Variants in SLC9A3 observed in about 807,000 individuals in gnomAD.
The protein encoded by SLC9A3 is sodium/hydrogen exchanger 3.
Under a neutral mutation model 86.8 loss-of-function variants are expected in SLC9A3, and 37 were observed. That is an observed-to-expected ratio of 0.43 (90% CI 0.33 to 0.56). The LOEUF (loss-of-function observed/expected upper bound fraction) is 0.56, where lower values mean the gene tolerates loss of function less well. Among genes scored for constraint, SLC9A3 ranks in the 20% least tolerant of loss-of-function variants. The pLI, the probability that SLC9A3 is intolerant of heterozygous loss-of-function variation, is 0.06. For missense variants in SLC9A3, 1,011 were observed against 1,171.9 expected (o/e 0.86, Z 2.00); for synonymous variants, 581 against 528.3 (o/e 1.10, Z -1.37).
At chr5:513,339 C>T (rs924439180) in intron 1 of SLC9A3, among the ~76,000 whole-genome samples, 15 of 152,108 alleles carry the variant, frequency 9.9e-5, no homozygotes, top group Admixed American at 1.3e-4. Context: ...GGAGAAAGGC[C>T]GGGAGGAAGG....
At chr5:481,932 C>T (rs1739203791) in intron 8 of SLC9A3, 136 bp downstream of exon 8, 1 of 316,178 alleles carries the variant, frequency 3.2e-6, no homozygotes, top group Non-Finnish European at 6.0e-6. Flanking sequence ...CTCTCCCCTC[C>T]TGGCCCAGCC....
intron 1 of SLC9A3, among the ~76,000 whole-genome samples, chr5:503,392 G>T (rs1273982058): frequency 6.6e-6 from 1 of 152,174 alleles, no homozygotes; most frequent in African/African-American, 2.4e-5. Context: ...TAAAACATTA[G>T]CTGAGCCTGG....
In SLC9A3 at chr5:476,341, G is replaced by C. The variant is rs150973602; in HGVS notation, c.1928C>G (p.Thr643Arg). 1.9e-6 allele frequency: 3 copies of C among 1,613,898 alleles called. No homozygotes were observed. Among genetic ancestry groups the C allele is most frequent in the Non-Finnish European group, 2.5e-6 (3 of 1,180,018 alleles). Residue 643 changes from threonine (T) to arginine (R), a missense_variant, in exon 13 of 17, where the codon ACG (threonine) becomes AGG (arginine). Around this residue, in one of 3 missense-constraint regions of SLC9A3, gnomAD observed 397 missense variants for 346.3 expected, o/e 1.15. Coordinates refer to ENST00000264938, the MANE Select transcript of SLC9A3 (RefSeq NM_004174.4). ...TTCCCGGTCCTGTTTCTCGTCCTCCGTGGGCGTGAGCTCGTGTCGGCTGTA... is the reference window on the plus strand; with the variant it reads ...TTCCCGGTCCTGTTTCTCGTCCTCCCTGGGCGTGAGCTCGTGTCGGCTGTA... ...HLYSRHELTP[T>R]EDEKQDREIF...
rs1339191786 is a variant in SLC9A3 at position 482,616 on chromosome 5, T to C, written c.1288A>G (p.Lys430Glu). ...ACGAACAGGTTCTTCTCCTTGACCT[T>C]GTCTCCATCCAGAAGCACCACCAGG... is the stretch of plus-strand genomic sequence containing the variant. ...FALVVLLDGDKVKEKNLFVST... is the reference protein window; with the variant it reads ...FALVVLLDGDEVKEKNLFVST... Residue 430 changes from lysine to glutamate, a missense_variant, in exon 7 of 17, where the codon AAG becomes GAG. This residue lies in a region of SLC9A3 where 565 missense variants were observed against 790.0 expected (regional missense o/e 0.72). Transcript: ENST00000264938. 5 of 1,612,754 alleles carry C rather than the reference T, an allele frequency of 3.1e-6. No individual in the cohort carries two copies. The highest frequency in any genetic ancestry group is 1.1e-5 in the South Asian group (1 of 91,074).
intron 5 of SLC9A3, among the ~76,000 whole-genome samples, chr5:483,935 A>G (rs1337907364): frequency 1.7e-4 from 26 of 152,276 alleles, no homozygotes; most frequent in Non-Finnish European, 7.3e-5. Context: ...GCGCTAGGAC[A>G]GAGGGCAGGG....
At chr5:495,348 C>T (rs998274129) in intron 1 of SLC9A3, among the ~76,000 whole-genome samples, 6 of 151,416 alleles carry the variant, frequency 4.0e-5, no homozygotes, top group East Asian at 2.0e-4. Context: ...AAAACAACAA[C>T]GCAACTCTGT....
rs1190441891 is a variant in SLC9A3, at chr5:472,844, G to T, written c.*535C>A. On this transcript the variant is annotated 3_prime_UTR_variant, in exon 17 of 17. Transcript: ENST00000264938. ...CCGGGCGCGGGGCTCGGTTGGGGGG[G>T]CCCGGAACCTTGGGCTGGTTTCACG... is the stretch of plus-strand genomic sequence containing the variant. 5 of 521,176 alleles carry T rather than the reference G, an allele frequency of 9.6e-6. No individual in the cohort carries two copies. The highest frequency in any genetic ancestry group is 5.1e-5 in the Admixed American group (2 of 39,004). 32.3% of individuals were successfully genotyped at this position (521,176 alleles called of 1,614,324 possible).
intron 16 of SLC9A3, among the ~76,000 whole-genome samples, chr5:473,682 G>T (rs6868891): frequency 6.6e-6 from 1 of 152,038 alleles, no homozygotes; most frequent in Non-Finnish European, 1.5e-5. Flanking sequence ...GGGAGGTCAA[G>T]GTCCCCAAGG....
intron 1 of SLC9A3, among the ~76,000 whole-genome samples, chr5:502,443 G>A (rs137954191): frequency 8.5e-5 from 13 of 152,224 alleles, no homozygotes; most frequent in Admixed American, 6.5e-4. Flanking sequence ...TTCAGCTACC[G>A]CAGACCCAGC....
chr5:482,510 G>T, intron 7 of SLC9A3, 38 bp downstream of exon 7: 2 of 1,545,042 alleles, frequency 1.3e-6, no homozygotes, highest in Non-Finnish European at 1.8e-6. Flanking sequence ...CCTCGCGGGC[G>T]GGGCCGAGAC....
rs1166000955 is a variant in SLC9A3 at position 471,820 on chromosome 5, T to G, written c.*1559A>C. ...ATGCAGGCTTTTGTGTGGCTGACGC[T>G]TCCCTTTTTCACAACAGTAAAAAGC... is the stretch of plus-strand genomic sequence containing the variant. On this transcript the variant is annotated 3_prime_UTR_variant, in exon 17 of 17. Coordinates refer to ENST00000264938, the MANE Select transcript of SLC9A3 (RefSeq NM_004174.4). 4.4e-6 allele frequency: 2 copies of G among 456,628 alleles called. No individual in the cohort carries two copies. Among genetic ancestry groups the G allele is most frequent in the Admixed American group, 4.7e-5 (2 of 42,582 alleles). The allele number at this position is 456,628 out of a possible 1,614,324, so 28.3% of individuals were successfully genotyped here.
At chr5:473,482 G>GC in intron 16 of SLC9A3, 100 bp from the exon 17 acceptor site, 1 of 1,036,620 alleles carries the variant, frequency 9.6e-7, no homozygotes, top group Non-Finnish European at 1.2e-6. Context: ...GGCGGCTCTC[G>GC]CCTCCCCTCC....
At chr5:508,468 C>A (rs1740718855) in intron 1 of SLC9A3, among the ~76,000 whole-genome samples, 1 of 140,780 alleles carries the variant, frequency 7.1e-6, no homozygotes, top group Non-Finnish European at 1.5e-5. Flanking sequence ...GGAGATGCCG[C>A]AGGGAGACAC....
At chr5:512,019 C>T (rs1356247378) in intron 1 of SLC9A3, among the ~76,000 whole-genome samples, 3 of 152,170 alleles carry the variant, frequency 2.0e-5, no homozygotes, top group Non-Finnish European at 2.9e-5. Flanking sequence ...GAAGGCTGCA[C>T]GCTATAGGTT....
At position 482,689 on chromosome 5, in the gene SLC9A3, G is replaced by A; in HGVS notation, c.1215C>T (p.Asp405=). 1.2e-6 allele frequency: 2 copies of A among 1,612,392 alleles called. No homozygotes were observed. The highest frequency in any genetic ancestry group is 1.7e-6 in the Non-Finnish European group (2 of 1,179,808). ...RYRMVQLEPI[D]QVVLSYGGLR... ...GGCCCCCGTAGGACAGGACCACCTG[G>A]TCAATGGGCTCCAGCTGCACCATGC... is the stretch of plus-strand genomic sequence containing the variant. Residue 405 remains aspartate (D), a synonymous_variant, in exon 7 of 17, where the codon GAC becomes GAT. Transcript: ENST00000264938.
intron 1 of SLC9A3, among the ~76,000 whole-genome samples, chr5:510,193 G>T (rs1279456183): frequency 1.3e-5 from 2 of 152,244 alleles, no homozygotes; most frequent in Non-Finnish European, 2.9e-5. Flanking sequence ...GCTCAGAGAG[G>T]CTGCCAAGAG....
intron 9 of SLC9A3, 112 bp downstream of exon 9, chr5:481,453 C>T (rs545223290): frequency 4.8e-4 from 453 of 948,976 alleles, no homozygotes; most frequent in Non-Finnish European, 6.9e-4. Context: ...GGAGCCCTGA[C>T]CAAGCCTGGA....
chr5:508,399 TCA>T (rs1386524175), intron 1 of SLC9A3, among the ~76,000 whole-genome samples: 1 of 84,728 alleles, frequency 1.2e-5, no homozygotes, highest in East Asian at 3.6e-4. Flanking sequence ...AACTCAGGCC[TCA>T]GCGCGCCCGG....
chr5:485,102 G>A, intron 4 of SLC9A3, 51 bp downstream of exon 4: 2 of 1,330,738 alleles, frequency 1.5e-6, no homozygotes, highest in Non-Finnish European at 2.2e-6. Flanking sequence ...GAAGACAGTT[G>A]GCCCCAGAGG....
Sources: gnomAD v4.1 joint callset for allele counts (sites outside exome capture counted in the v4.1 genomes callset) on GRCh38, gnomAD v4.1.1 for gene constraint, gnomAD v4.1.1 regional missense constraint, MANE v1.5 for transcripts, NCBI Gene and HGNC (gene_info 2026-07-23, HGNC 2026-07-21) for gene names.